CLEC2A: variants seen among roughly 807,000 people sequenced by gnomAD.
CLEC2A encodes the protein C-type lectin domain family 2 member A, also known as keratinocyte-associated C-type lectin.
A neutral mutation model predicts 18.6 loss-of-function variants in CLEC2A; 19 were observed. The observed-to-expected ratio is 1.02, with a 90% CI of 0.71 to 1.50. CLEC2A has a LOEUF of 1.50. Ranked by LOEUF, CLEC2A falls within the 40% of genes most tolerant of loss-of-function variation. The pLI, the probability that CLEC2A is intolerant of heterozygous loss-of-function variation, is 0.00. For missense variants in CLEC2A, 190 were observed against 207.9 expected (o/e 0.91, Z 0.53); for synonymous variants, 74 against 64.0 (o/e 1.16, Z -0.75).
chr12:9,891,164 T>C, the CLEC2A span, among the ~76,000 whole-genome samples: 1 of 152,136 alleles, frequency 6.6e-6, no homozygotes, highest in African/African-American at 2.4e-5. Context: ...TACAAAGATA[T>C]TTTAGAAACT....
At chr12:9,887,708 T>C in the CLEC2A span, among the ~76,000 whole-genome samples, 12 of 151,340 alleles carry the variant, frequency 7.9e-5, no homozygotes, top group African/African-American at 2.7e-4. Flanking sequence ...AGGAACTTGA[T>C]GATATGGTCA....
intron 3 of CLEC2A, among the ~76,000 whole-genome samples, chr12:9,919,367 G>A (rs1171130244): frequency 6.6e-6 from 1 of 152,204 alleles, no homozygotes; most frequent in Non-Finnish European, 1.5e-5. Flanking sequence ...CAAGCTGGAG[G>A]TTCCATGTCT....
chr12:9,912,665 C>CAAAA (rs3053814), downstream of CLEC2A, among the ~76,000 whole-genome samples: 19 of 142,872 alleles, frequency 1.3e-4, no homozygotes, highest in East Asian at 1.4e-3. Context: ...GGGTGAAAAG[C>CAAAA]AAAAAAAAAA....
intron 1 of CLEC2A, among the ~76,000 whole-genome samples, chr12:9,926,919 G>T (rs1342706643): frequency 6.6e-6 from 1 of 152,132 alleles, no homozygotes; most frequent in South Asian, 2.1e-4. Flanking sequence ...TTTGACACTC[G>T]TGGAAATGCT....
chr12:9,885,425 A>ATATGAGATGAGATTT, the CLEC2A span, among the ~76,000 whole-genome samples: 1 of 151,884 alleles, frequency 6.6e-6, no homozygotes, highest in South Asian at 2.1e-4. Context: ...ATATGTGTAT[A>ATATGAGATGAGATTT]CTGTAGCTAT....
the CLEC2A span, chr12:9,885,100 A>G: frequency 6.1e-6 from 3 of 493,756 alleles, no homozygotes; most frequent in Admixed American, 4.4e-5. Flanking sequence ...ATTCCTCTTA[A>G]TGCCAAGATA....
chr12:9,885,801 C>G, the CLEC2A span, among the ~76,000 whole-genome samples: 1 of 152,028 alleles, frequency 6.6e-6, no homozygotes, highest in Admixed American at 6.5e-5. Flanking sequence ...AAATCAATTA[C>G]TAATTACCTG....
At chr12:9,881,933 CT>C in the CLEC2A span, among the ~76,000 whole-genome samples, 1 of 151,924 alleles carries the variant, frequency 6.6e-6, no homozygotes, top group African/African-American at 2.4e-5. Flanking sequence ...GAAGAAAAGG[CT>C]GAAAAATTGT....
the CLEC2A span, chr12:9,893,204 A>G: frequency 1.1e-5 from 16 of 1,508,338 alleles, 1 homozygote; most frequent in Admixed American, 3.3e-4. Context: ...CTGCACAAGG[A>G]AAAATGGCTT....
chr12:9,882,294 T>G, the CLEC2A span, among the ~76,000 whole-genome samples: 1 of 152,192 alleles, frequency 6.6e-6, no homozygotes, highest in East Asian at 1.9e-4. Context: ...TTGAACATTC[T>G]CGTGTACAAT....
At chr12:9,906,568 C>T (rs1262202532) in intron 4 of CLEC2A, among the ~76,000 whole-genome samples, 16 of 152,172 alleles carry the variant, frequency 1.1e-4, no homozygotes, top group Non-Finnish European at 8.8e-5. Flanking sequence ...CAAAGGAGTA[C>T]TTAGAATCAG....
rs769294512 is a variant in CLEC2A at position 9,913,537 on chromosome 12, G to A, written c.*29C>T. On this transcript the variant is annotated 3_prime_UTR_variant, in exon 5 of 5. Transcript: ENST00000455827. The stretch of plus-strand genomic sequence containing the variant: ...TTAGCTCTTCTTTCAATCTTGAAGT[G>A]TGATAATCATTTTCAAGTTTTTTCT... The A allele has an allele frequency of 2.2e-5, 34 of 1,534,980 alleles. No individual in the cohort carries two copies. The highest frequency in any genetic ancestry group is 2.8e-5 in the Non-Finnish European group (32 of 1,143,114).
downstream of CLEC2A, among the ~76,000 whole-genome samples, chr12:9,895,265 A>G (rs764246809): frequency 6.6e-6 from 1 of 152,242 alleles, no homozygotes; most frequent in Non-Finnish European, 1.5e-5. Flanking sequence ...TTATGCTGCT[A>G]TGTGGAGAAT....
chr12:9,893,524 C>A, the CLEC2A span: 7 of 1,471,770 alleles, frequency 4.8e-6, no homozygotes, highest in Admixed American at 2.0e-5. Flanking sequence ...TAGATGAACA[C>A]TTTTTAGTTC....
intron 4 of CLEC2A, among the ~76,000 whole-genome samples, chr12:9,915,689 A>T (rs745474175): frequency 1.3e-5 from 2 of 152,076 alleles, no homozygotes; most frequent in Non-Finnish European, 2.9e-5. Flanking sequence ...AACAACACAC[A>T]CTGGGGGCAG....
chr12:9,899,453 G>A (rs1862795969), intron 4 of CLEC2A, among the ~76,000 whole-genome samples: 1 of 152,160 alleles, frequency 6.6e-6, no homozygotes, highest in Non-Finnish European at 1.5e-5. Context: ...ATTTGAAAGG[G>A]GCACAGACTG....
downstream of CLEC2A, among the ~76,000 whole-genome samples, chr12:9,895,219 G>A (rs1056732841): frequency 4.6e-5 from 7 of 152,124 alleles, no homozygotes; most frequent in African/African-American, 1.2e-4. Context: ...TATTGAAAAC[G>A]TTCATTTTGG....
the CLEC2A span, chr12:9,893,514 T>C: frequency 5.3e-6 from 8 of 1,503,248 alleles, no homozygotes; most frequent in Admixed American, 9.9e-5. Context: ...TGGATGTGGA[T>C]AGATGAACAC....
chr12:9,894,942 G>C (rs1203539086), downstream of CLEC2A, among the ~76,000 whole-genome samples: 1 of 151,968 alleles, frequency 6.6e-6, no homozygotes, highest in Non-Finnish European at 1.5e-5. Flanking sequence ...TATCATTTAA[G>C]GAAAACAACA....
Sources: gnomAD v4.1 joint callset for allele counts (sites outside exome capture counted in the v4.1 genomes callset) on GRCh38, gnomAD v4.1.1 for gene constraint, MANE v1.5 for transcripts, NCBI Gene and HGNC (gene_info 2026-07-23, HGNC 2026-07-21) for gene names.